CTNNA3: variants seen among roughly 807,000 people sequenced by gnomAD.
The protein encoded by CTNNA3 is catenin alpha-3.
CTNNA3 carries 76 observed loss-of-function variants against 95.7 expected under a neutral mutation model. The ratio of observed to expected loss-of-function variants is 0.79; its 90% CI spans 0.66 to 0.96. CTNNA3 has a LOEUF of 0.96. Among genes scored for constraint, CTNNA3 ranks in the 40% least tolerant of loss-of-function variants. The pLI is 0.00. For missense variants in CTNNA3, 1,191 were observed against 1,089.8 expected (o/e 1.09, Z -1.31); for synonymous variants, 431 against 374.4 (o/e 1.15, Z -1.74).
chr10:66,540,198 C>A (rs1300543687), intron 10 of CTNNA3, among the ~76,000 whole-genome samples: 1 of 152,050 alleles, frequency 6.6e-6, no homozygotes, highest in Non-Finnish European at 1.5e-5. Context: ...ATAGAAAGTA[C>A]TTAAATATGA....
rs541706396 is a variant in CTNNA3, at chr10:66,810,523, T to A, written c.1048-34999A>T. On this transcript the variant is annotated intron_variant, in intron 7 of 17. Coordinates refer to ENST00000433211, the MANE Select transcript of CTNNA3 (RefSeq NM_013266.4). ...TCCCATCCATTGACTTATTTTAGGT[T>A]CTCAATATCTCTATCTCTTTGCCCA... is the stretch of plus-strand genomic sequence containing the variant. Among the ~76,000 whole-genome samples, 158 of 152,202 alleles carry A rather than the reference T, an allele frequency of 1.0e-3. 3 individuals are homozygous for A. Among genetic ancestry groups the A allele is most frequent in the Non-Finnish European group, 6.0e-4 (41 of 68,042 alleles).
At chr10:66,953,252 A>C (rs1338108104) in intron 7 of CTNNA3, among the ~76,000 whole-genome samples, 1 of 152,188 alleles carries the variant, frequency 6.6e-6, no homozygotes, top group Non-Finnish European at 1.5e-5. Context: ...TTCTGATATC[A>C]CAGAAAAGTA....
chr10:66,873,543 T>C (rs1844497076), intron 7 of CTNNA3, among the ~76,000 whole-genome samples: 2 of 152,138 alleles, frequency 1.3e-5, no homozygotes, highest in South Asian at 4.1e-4. Context: ...TCTTGCCCTC[T>C]GTCCATTTTT....
chr10:65,937,420 C>T (rs988242053), intron 17 of CTNNA3, among the ~76,000 whole-genome samples: 6 of 152,128 alleles, frequency 3.9e-5, no homozygotes, highest in African/African-American at 1.2e-4. Flanking sequence ...ACTTACTCAC[C>T]GTTTCTTTCT....
intron 11 of CTNNA3, among the ~76,000 whole-genome samples, chr10:66,425,830 C>A (rs1046620019): frequency 3.3e-5 from 5 of 151,928 alleles, no homozygotes; most frequent in Non-Finnish European, 7.4e-5. Context: ...ACATATGGAA[C>A]CAGGACTGAG....
intron 17 of CTNNA3, among the ~76,000 whole-genome samples, chr10:65,936,468 A>G (rs555120354): frequency 7.2e-5 from 11 of 152,228 alleles, no homozygotes; most frequent in African/African-American, 2.6e-4. Flanking sequence ...ATTTGGGCCA[A>G]TAAAATTATA....
chr10:67,173,876 C>T (rs1862123125), intron 7 of CTNNA3, among the ~76,000 whole-genome samples: 1 of 152,158 alleles, frequency 6.6e-6, no homozygotes, highest in African/African-American at 2.4e-5. Flanking sequence ...TGGAACAATC[C>T]ACAAAGTGAA....
chr10:67,385,226 A>G (rs1430304108), intron 5 of CTNNA3, among the ~76,000 whole-genome samples: 1 of 152,272 alleles, frequency 6.6e-6, no homozygotes, highest in African/African-American at 2.4e-5. Flanking sequence ...TAATGACCTC[A>G]GTATAGAATA....
At chr10:67,180,951 T>G (rs1310338168) in intron 6 of CTNNA3, among the ~76,000 whole-genome samples, 1 of 152,184 alleles carries the variant, frequency 6.6e-6, no homozygotes, top group Non-Finnish European at 1.5e-5. Context: ...TACAATATTT[T>G]CATGTATCTC....
At chr10:66,971,875 T>C (rs747599574) in intron 7 of CTNNA3, among the ~76,000 whole-genome samples, 4 of 152,158 alleles carry the variant, frequency 2.6e-5, no homozygotes, top group Non-Finnish European at 4.4e-5. Flanking sequence ...AAAATCATTT[T>C]TTTTCAACAA....
At chr10:66,180,702 G>A (rs1164539568) in intron 13 of CTNNA3, among the ~76,000 whole-genome samples, 1 of 152,130 alleles carries the variant, frequency 6.6e-6, no homozygotes, top group Non-Finnish European at 1.5e-5. Flanking sequence ...AGTCTGAAAA[G>A]ATTATTCTGA....
Position 65,917,942 on chromosome 10 carries a change from C to A in CTNNA3, c.*2388G>T, listed in dbSNP as rs1006664124. 6.6e-6 allele frequency: 1 copy of A among 152,110 alleles called. No homozygotes were observed. Among genetic ancestry groups the A allele is most frequent in the African/African-American group, 2.4e-5 (1 of 41,420 alleles). The allele number at this position is 152,110 out of a possible 1,614,324, so 9.4% of individuals were successfully genotyped here. ...AGGAATTCACTCAGGTGGACAGATG[C>A]CTTTTTCAGCTCTATGCATCTTGTT... On this transcript the variant is annotated 3_prime_UTR_variant, in exon 18 of 18. Transcript: ENST00000433211.
chr10:66,020,532 G>A (rs1019334304), intron 15 of CTNNA3, among the ~76,000 whole-genome samples: 1 of 152,206 alleles, frequency 6.6e-6, no homozygotes, highest in Admixed American at 6.5e-5. Context: ...AAATATTTAA[G>A]CAGGATTAAT....
intron 11 of CTNNA3, among the ~76,000 whole-genome samples, chr10:66,494,240 T>G (rs1840029474): frequency 6.6e-6 from 1 of 152,144 alleles, no homozygotes; most frequent in Admixed American, 6.5e-5. Flanking sequence ...AAAAGTCCCT[T>G]CACGGAGACC....
At chr10:66,311,861 C>T (rs2092025845) in intron 12 of CTNNA3, among the ~76,000 whole-genome samples, 1 of 152,144 alleles carries the variant, frequency 6.6e-6, no homozygotes, top group Admixed American at 6.5e-5. Flanking sequence ...CTCCTATCTC[C>T]TGACCCTTAC....
At chr10:67,026,893 T>G (rs1770032743) in intron 7 of CTNNA3, among the ~76,000 whole-genome samples, 1 of 152,156 alleles carries the variant, frequency 6.6e-6, no homozygotes, top group Admixed American at 6.5e-5. Flanking sequence ...CTCTGAGAGG[T>G]TGTAATTTAA....
intron 7 of CTNNA3, among the ~76,000 whole-genome samples, chr10:67,118,451 T>G (rs1484655015): frequency 6.6e-6 from 1 of 151,994 alleles, no homozygotes. Context: ...AAGGATTTCA[T>G]TGATATTAAC....
chr10:66,808,312 T>C (rs1414673098), intron 7 of CTNNA3, among the ~76,000 whole-genome samples: 2 of 152,130 alleles, frequency 1.3e-5, no homozygotes, highest in African/African-American at 4.8e-5. Flanking sequence ...CAAGTATGTC[T>C]TGTAAATTTA....
upstream of CTNNA3, among the ~76,000 whole-genome samples, chr10:67,698,955 T>A (rs979953688): frequency 6.6e-6 from 1 of 152,052 alleles, no homozygotes; most frequent in African/African-American, 2.4e-5. Flanking sequence ...TGGAAGATGT[T>A]TCACATCTTT....
Sources: allele counts gnomAD v4.1 joint callset (sites outside exome capture counted in the v4.1 genomes callset), GRCh38; gene constraint gnomAD v4.1.1; transcripts MANE v1.5; gene names NCBI Gene and HGNC (gene_info 2026-07-23, HGNC 2026-07-21).